The following DNAI1 variants were observed in gnomAD, a reference collection of about 807,000 sequenced individuals.
DNAI1 encodes dynein axonemal intermediate chain 1.
A neutral mutation model predicts 92.0 loss-of-function variants in DNAI1; 67 were observed. The ratio of observed to expected loss-of-function variants is 0.73; its 90% CI spans 0.60 to 0.89. The LOEUF is 0.89. Ranked by LOEUF, DNAI1 falls within the 40% of genes least tolerant of loss-of-function variation. The pLI is 0.00. For missense variants in DNAI1, 839 were observed against 866.6 expected, an observed-to-expected ratio of 0.97 and a Z score of 0.40; for synonymous variants, 323 against 319.6, an observed-to-expected ratio of 1.01 and a Z score of -0.11.
At chr9:34,510,604 C>T (rs574789911) in intron 13 of DNAI1, among the ~76,000 whole-genome samples, 4 of 152,268 alleles carry the variant, frequency 2.6e-5, no homozygotes, top group East Asian at 1.9e-4. Context: ...GTGTGACTTG[C>T]GCACATACAC....
At chr9:34,468,024 A>C (rs1824069176) in intron 1 of DNAI1, among the ~76,000 whole-genome samples, 1 of 152,238 alleles carries the variant, frequency 6.6e-6, no homozygotes, top group Non-Finnish European at 1.5e-5. Context: ...CATAAAGGAA[A>C]TATTGTTTTA....
chr9:34,513,556 G>C (rs2132082942), intron 16 of DNAI1, among the ~76,000 whole-genome samples: 1 of 152,290 alleles, frequency 6.6e-6, no homozygotes, highest in Admixed American at 6.5e-5. Flanking sequence ...AATTATCTCT[G>C]AATACTGGGT....
chr9:34,520,711 G>A lies in DNAI1; in HGVS notation c.2055G>A (p.Leu685=). The part of the protein sequence containing the change: ...QKGPAVEIAK[L]DKLLNLVREV... Reference sequence around the variant, plus strand: ...GTCCAGCTGTGGAGATTGCGAAACTGGACAAACTGCTGAACCTGGTGAGGG... The same window carrying A: ...GTCCAGCTGTGGAGATTGCGAAACTAGACAAACTGCTGAACCTGGTGAGGG... Residue 685 remains leucine, a synonymous_variant, in exon 20 of 20, where the codon CTG becomes CTA. Transcript: ENST00000242317. The A allele has an allele frequency of 1.3e-6, 2 of 1,551,704 alleles. No individual in the cohort carries two copies. The highest frequency in any genetic ancestry group is 2.7e-5 in the African/African-American group (2 of 73,124).
chr9:34,515,873 T>C (rs768845727), intron 18 of DNAI1, among the ~76,000 whole-genome samples: 2 of 152,208 alleles, frequency 1.3e-5, no homozygotes, highest in Non-Finnish European at 2.9e-5. Context: ...GTGAATATAC[T>C]AACACCAAGA....
chr9:34,470,905 A>G (rs890325182), intron 1 of DNAI1, among the ~76,000 whole-genome samples: 3 of 152,222 alleles, frequency 2.0e-5, no homozygotes, highest in Non-Finnish European at 2.9e-5. Flanking sequence ...ATCCTTGCCA[A>G]AAAAGAATCT....
intron 4 of DNAI1, among the ~76,000 whole-genome samples, chr9:34,488,701 A>C (rs1025593367): frequency 6.6e-6 from 1 of 152,344 alleles, no homozygotes; most frequent in Non-Finnish European, 1.5e-5. Context: ...TTTATATCCC[A>C]GGCACCTGGA....
At chr9:34,497,011 C>A in intron 9 of DNAI1, 104 bp from the exon 10 acceptor site, 1 of 884,412 alleles carries the variant, frequency 1.1e-6, no homozygotes, top group Non-Finnish European at 1.9e-6. Flanking sequence ...GTGAGTAGTG[C>A]CAGAGAGCTA....
At chr9:34,465,112 T>C (rs1052700260) in intron 1 of DNAI1, among the ~76,000 whole-genome samples, 4 of 152,322 alleles carry the variant, frequency 2.6e-5, no homozygotes, top group South Asian at 2.1e-4. Flanking sequence ...TTGGAAGTTA[T>C]TGGGGACCTT....
intron 1 of DNAI1, among the ~76,000 whole-genome samples, chr9:34,463,486 TGA>T (rs959416674): frequency 2.6e-5 from 4 of 152,212 alleles, no homozygotes; most frequent in Non-Finnish European, 2.9e-5. Context: ...CTGAAAATTG[TGA>T]GAGTGCCAAC....
At position 34,506,761 on chromosome 9, in the gene DNAI1, G is replaced by T; in HGVS notation, c.1198G>T (p.Ala400Ser). 6.2e-7 allele frequency: 1 copy of T among 1,614,174 alleles called. No individual in the cohort carries two copies. Among genetic ancestry groups the T allele is most frequent in the Non-Finnish European group, 8.5e-7 (1 of 1,180,040 alleles). Reference protein sequence around the residue: ...DIHVDHPYLVAVGHYDGNVAI... With the variant: ...DIHVDHPYLVSVGHYDGNVAI... ...CCACGTGGACCACCCCTACCTGGTG[G>T]CAGTAGGCCACTATGACGGCAACGT... Residue 400 changes from alanine to serine, a missense_variant, in exon 13 of 20, where the codon GCA becomes TCA. Transcript: ENST00000242317.
intron 13 of DNAI1, among the ~76,000 whole-genome samples, chr9:34,510,758 A>C (rs1825049371): frequency 6.6e-6 from 1 of 152,046 alleles, no homozygotes; most frequent in African/African-American, 2.4e-5. Context: ...CGCCTCTTAC[A>C]GCCTGGCCTT....
intron 1 of DNAI1, among the ~76,000 whole-genome samples, chr9:34,481,563 C>G (rs141780922): frequency 4.1e-4 from 63 of 152,346 alleles, no homozygotes; most frequent in African/African-American, 1.4e-3. Flanking sequence ...CGCGGACCCT[C>G]GCGGTGAGTG....
intron 1 of DNAI1, among the ~76,000 whole-genome samples, chr9:34,470,654 T>G (rs1824118873): frequency 6.6e-6 from 1 of 152,212 alleles, no homozygotes; most frequent in Admixed American, 6.5e-5. Context: ...AGTAGAAATA[T>G]TCATAATGAT....
chr9:34,492,493 G>GAGATAGATATATATAT (rs1271867592), intron 8 of DNAI1, among the ~76,000 whole-genome samples: 1 of 68,258 alleles, frequency 1.5e-5, no homozygotes, highest in Non-Finnish European at 3.1e-5. Flanking sequence ...GGGATATGAA[G>GAGATAGATATATATAT]ATATATATAT....
chr9:34,459,356 A>G (rs746239039), intron 1 of DNAI1, among the ~76,000 whole-genome samples: 4 of 151,798 alleles, frequency 2.6e-5, no homozygotes, highest in Non-Finnish European at 4.4e-5. Flanking sequence ...TATTCTCCTT[A>G]ACTTCCCCAT....
At chr9:34,507,384 CTTACAA>C (rs535998208) in intron 13 of DNAI1, among the ~76,000 whole-genome samples, 3 of 152,218 alleles carry the variant, frequency 2.0e-5, no homozygotes, top group African/African-American at 7.2e-5. Context: ...GTACTGTATC[CTTACAA>C]TTAGGCAAGT....
intron 2 of DNAI1, chr9:34,484,904 C>T: frequency 2.1e-6 from 1 of 478,590 alleles, no homozygotes; most frequent in South Asian, 2.0e-5. Context: ...CCACAACATT[C>T]CAAGTTCCAG....
At chr9:34,509,804 G>T (rs1825028153) in intron 13 of DNAI1, among the ~76,000 whole-genome samples, 1 of 151,294 alleles carries the variant, frequency 6.6e-6, no homozygotes, top group African/African-American at 2.4e-5. Flanking sequence ...GAGGTGCTTA[G>T]TAGGCCATCC....
chr9:34,500,617 CAG>C, intron 10 of DNAI1, 103 bp from the exon 11 acceptor site: 1 of 753,916 alleles, frequency 1.3e-6, no homozygotes, highest in Non-Finnish European at 2.4e-6. Flanking sequence ...CACTCTAAAA[CAG>C]AGGCTCATTG....
Sources: allele counts gnomAD v4.1 joint callset (sites outside exome capture counted in the v4.1 genomes callset), GRCh38; gene constraint gnomAD v4.1.1; transcripts MANE v1.5; gene names NCBI Gene and HGNC (gene_info 2026-07-23, HGNC 2026-07-21).